DLG2: variants seen among roughly 807,000 people sequenced by gnomAD.
DLG2 encodes discs large MAGUK scaffold protein 2.
Under a neutral mutation model 132.5 loss-of-function variants are expected in DLG2, and 45 were observed. The ratio of observed to expected loss-of-function variants is 0.34; its 90% confidence interval spans 0.27 to 0.44. The LOEUF (loss-of-function observed/expected upper bound fraction) is 0.44. Among genes scored for constraint, DLG2 ranks in the 20% least tolerant of loss-of-function variants. The pLI, the probability that DLG2 is intolerant of heterozygous loss-of-function variation, is 1.00. For synonymous variants in DLG2, 424 were observed against 419.6 expected (o/e 1.01, Z -0.13); for missense variants, 1,045 against 1,196.9 (o/e 0.87, Z 1.87).
At chr11:84,487,713 C>T (rs192891378) in intron 7 of DLG2, among the ~76,000 whole-genome samples, 4 of 152,052 alleles carry the variant, frequency 2.6e-5, no homozygotes, top group Admixed American at 1.3e-4. Context: ...TGAGGTTCAG[C>T]CAGAAGATAA....
At chr11:84,942,836 T>C (rs1463738781) in intron 6 of DLG2, among the ~76,000 whole-genome samples, 2 of 152,192 alleles carry the variant, frequency 1.3e-5, no homozygotes, top group African/African-American at 4.8e-5. Flanking sequence ...CTCCAGCTAT[T>C]ACTGTATTGA....
At chr11:83,870,983 G>C (rs1412849940) in intron 16 of DLG2, among the ~76,000 whole-genome samples, 1 of 152,136 alleles carries the variant, frequency 6.6e-6, no homozygotes, top group Non-Finnish European at 1.5e-5. Context: ...GTTTCCATAG[G>C]TGATCAAAGG....
chr11:83,544,788 A>G (rs1228557882), intron 19 of DLG2, among the ~76,000 whole-genome samples: 1 of 152,174 alleles, frequency 6.6e-6, no homozygotes, highest in Non-Finnish European at 1.5e-5. Context: ...AGCCTGGCCC[A>G]GGTCACACAT....
chr11:84,947,587 C>T (rs951212394), intron 6 of DLG2, among the ~76,000 whole-genome samples: 14 of 152,194 alleles, frequency 9.2e-5, no homozygotes, highest in African/African-American at 3.4e-4. Context: ...CTTTCCTACA[C>T]CCTTACCCAC....
chr11:84,444,976 T>C lies in DLG2; in HGVS notation c.519+89594A>G, dbSNP rs546462573. ...TGCCACCACGCCGAGCTAATTTTTGTATTTTTAGTAGAGACAGGGTTCCAT... is the reference window on the plus strand; with the variant it reads ...TGCCACCACGCCGAGCTAATTTTTGCATTTTTAGTAGAGACAGGGTTCCAT... On this transcript the variant is annotated intron_variant, in intron 7 of 27. Transcript: ENST00000376104. 2.6e-5 allele frequency among the ~76,000 whole-genome samples: 4 copies of C among 152,218 alleles called. No homozygotes were observed. The East Asian group carries it at 7.7e-4, about 29-fold the overall frequency.
intron 4 of DLG2, among the ~76,000 whole-genome samples, chr11:85,240,028 T>C (rs1430781046): frequency 6.6e-6 from 1 of 151,960 alleles, no homozygotes; most frequent in East Asian, 1.9e-4. Flanking sequence ...ATATATAAAA[T>C]CCTGCTATTC....
intron 14 of DLG2, among the ~76,000 whole-genome samples, chr11:83,936,575 A>G (rs537139435): frequency 1.3e-5 from 2 of 152,348 alleles, no homozygotes; most frequent in Non-Finnish European, 2.9e-5. Flanking sequence ...TTCTATGTAA[A>G]CATCACTCTC....
At chr11:83,563,495 T>C (rs2096650078) in intron 19 of DLG2, among the ~76,000 whole-genome samples, 1 of 152,220 alleles carries the variant, frequency 6.6e-6, no homozygotes, top group South Asian at 2.1e-4. Flanking sequence ...CTGCTCTCTA[T>C]ATTCTAAAAG....
intron 4 of DLG2, among the ~76,000 whole-genome samples, chr11:85,280,809 C>G (rs1283825422): frequency 6.6e-6 from 1 of 151,904 alleles, no homozygotes; most frequent in Non-Finnish European, 1.5e-5. Flanking sequence ...CAGCAAAACA[C>G]CTAAGAAACA....
At chr11:84,346,572 A>C (rs2098540067) in intron 7 of DLG2, among the ~76,000 whole-genome samples, 1 of 152,168 alleles carries the variant, frequency 6.6e-6, no homozygotes, top group Admixed American at 6.5e-5. Context: ...TGTAATCTGG[A>C]GACTGCAGTT....
chr11:84,363,925 G>C (rs2098666293), intron 7 of DLG2, among the ~76,000 whole-genome samples: 1 of 152,166 alleles, frequency 6.6e-6, no homozygotes, highest in Non-Finnish European at 1.5e-5. Context: ...TTGTAGTATA[G>C]TTTGAAGTCA....
intron 20 of DLG2, among the ~76,000 whole-genome samples, chr11:83,540,000 G>A (rs2096013623): frequency 6.6e-6 from 1 of 152,130 alleles, no homozygotes; most frequent in Admixed American, 6.5e-5. Flanking sequence ...TCCAAAATTT[G>A]AATCCCTTTT....
At chr11:84,541,600 A>T (rs999008658) in intron 6 of DLG2, among the ~76,000 whole-genome samples, 45 of 152,246 alleles carry the variant, frequency 3.0e-4, no homozygotes, top group African/African-American at 1.1e-3. Flanking sequence ...CTAGTAGCCC[A>T]CAAATGCCTC....
chr11:83,878,832 C>T (rs1366139890), intron 15 of DLG2, among the ~76,000 whole-genome samples: 1 of 152,098 alleles, frequency 6.6e-6, no homozygotes, highest in Non-Finnish European at 1.5e-5. Flanking sequence ...GCACCAATTC[C>T]CTAGTTAGGT....
chr11:84,110,860 T>A (rs979927537), intron 9 of DLG2, among the ~76,000 whole-genome samples: 1 of 152,158 alleles, frequency 6.6e-6, no homozygotes, highest in Non-Finnish European at 1.5e-5. Context: ...AGCAAACACA[T>A]CTGCAAGCCA....
At chr11:84,543,556 C>T (rs1215221965) in intron 6 of DLG2, among the ~76,000 whole-genome samples, 1 of 152,114 alleles carries the variant, frequency 6.6e-6, no homozygotes, top group African/African-American at 2.4e-5. Context: ...GTCAAGGGCC[C>T]CACCTGCTTG....
At chr11:85,308,140 C>A (rs1256377390) in intron 3 of DLG2, among the ~76,000 whole-genome samples, 1 of 129,820 alleles carries the variant, frequency 7.7e-6, no homozygotes, top group Non-Finnish European at 1.6e-5. Flanking sequence ...GGTGACAGAG[C>A]GAGACTCTGT....
chr11:84,069,993 A>C (rs961622714), intron 10 of DLG2, among the ~76,000 whole-genome samples: 1 of 152,332 alleles, frequency 6.6e-6, no homozygotes, highest in Middle Eastern at 3.4e-3. Context: ...GGATTACTAC[A>C]GTAGCTTCCT....
At chr11:83,561,821 A>G (rs2142890200) in intron 19 of DLG2, among the ~76,000 whole-genome samples, 1 of 151,688 alleles carries the variant, frequency 6.6e-6, no homozygotes, top group African/African-American at 2.4e-5. Context: ...GTAGGGCAGT[A>G]GGAACATAAT....
Sources: allele counts gnomAD v4.1 joint callset (sites outside exome capture counted in the v4.1 genomes callset), GRCh38; gene constraint gnomAD v4.1.1; transcripts MANE v1.5; gene names NCBI Gene and HGNC (gene_info 2026-07-23, HGNC 2026-07-21).